Variants in CCDC170 observed in about 807,000 individuals in gnomAD.
The protein encoded by CCDC170 is coiled-coil domain-containing protein 170.
CCDC170 carries 69 observed loss-of-function variants against 72.6 expected under a neutral mutation model. The ratio of observed to expected loss-of-function variants is 0.95; its 90% CI spans 0.78 to 1.16. CCDC170 has a LOEUF of 1.16. Ranked by LOEUF, CCDC170 falls within the 50% of genes most tolerant of loss-of-function variation. The pLI is 0.00. For synonymous variants in CCDC170, 300 were observed against 303.9 expected (o/e 0.99, Z 0.13); for missense variants, 852 against 832.5 (o/e 1.02, Z -0.29).
rs528655504 is a variant in CCDC170 at position 151,494,057 on chromosome 6, C to T, written c.-72C>T. Reference sequence around the variant, plus strand: ...TGCCCGAGGAGACACCCGCGCCACCCGCCGGCTCCCGGCGCCGCCGCTTCC... The same window carrying T: ...TGCCCGAGGAGACACCCGCGCCACCTGCCGGCTCCCGGCGCCGCCGCTTCC... On this transcript the variant is annotated 5_prime_UTR_variant, in exon 1 of 11. Transcript: ENST00000239374. 1.4e-4 allele frequency: 189 copies of T among 1,390,826 alleles called. 1 individual carries two copies. The African/African-American group carries it at 2.7e-3, about 20-fold the overall frequency. The allele number at this position is 1,390,826 out of a possible 1,614,324, so 86.2% of individuals were successfully genotyped here.
At chr6:151,607,278 T>C (rs1165649306) in intron 9 of CCDC170, among the ~76,000 whole-genome samples, 2 of 152,212 alleles carry the variant, frequency 1.3e-5, no homozygotes, top group East Asian at 3.8e-4. Flanking sequence ...ACTATTTACA[T>C]TCAAGGTTGT....
intron 9 of CCDC170, among the ~76,000 whole-genome samples, chr6:151,611,370 C>T (rs1324302201): frequency 2.0e-5 from 3 of 152,134 alleles, no homozygotes; most frequent in Admixed American, 6.5e-5. Context: ...AAATTTCTTA[C>T]AGTTCTAGAG....
chr6:151,539,791 G>A (rs1349082948), intron 3 of CCDC170, among the ~76,000 whole-genome samples: 2 of 152,104 alleles, frequency 1.3e-5, no homozygotes, highest in Non-Finnish European at 2.9e-5. Context: ...TGTCCAAAAC[G>A]GAGCTCCCAG....
chr6:151,515,373 C>T (rs1782220002), intron 1 of CCDC170, among the ~76,000 whole-genome samples: 1 of 152,232 alleles, frequency 6.6e-6, no homozygotes, highest in Admixed American at 6.5e-5. Context: ...ACCTCTGCCT[C>T]CCAGGTTCAA....
chr6:151,541,713 G>T (rs1210777641), intron 3 of CCDC170, among the ~76,000 whole-genome samples: 3 of 150,570 alleles, frequency 2.0e-5, no homozygotes, highest in Non-Finnish European at 4.4e-5. Flanking sequence ...TTATAGAAAA[G>T]CTATAATTAA....
At chr6:151,532,931 G>A (rs1460872201) in intron 1 of CCDC170, among the ~76,000 whole-genome samples, 1 of 152,190 alleles carries the variant, frequency 6.6e-6, no homozygotes, top group Non-Finnish European at 1.5e-5. Context: ...TGTAGGCATC[G>A]CTGCTTTCTC....
At chr6:151,576,981 C>A (rs560486188) in intron 6 of CCDC170, among the ~76,000 whole-genome samples, 20 of 152,230 alleles carry the variant, frequency 1.3e-4, no homozygotes, top group African/African-American at 4.6e-4. Flanking sequence ...CTGTGCTATC[C>A]ATTTTTCCCC....
Position 151,619,904 on chromosome 6 carries a change from GAAACAAT to G in CCDC170, c.*1758_*1764del, listed in dbSNP as rs1777032734. 1 of 152,014 alleles carries G rather than the reference GAAACAAT, an allele frequency of 6.6e-6. No individual in the cohort carries two copies. The highest frequency in any genetic ancestry group is 1.5e-5 in the Non-Finnish European group (1 of 67,996). The allele number at this position is 152,014 out of a possible 1,614,324, so 9.4% of individuals were successfully genotyped here. A position where few individuals can be genotyped will look rare whatever the true frequency, so the allele number is the denominator to read the frequency against. ...CTAGACTAAAAGAAATTAAAGAGAT[GAAACAAT>G]CAATTGCAAGGGTCAAAACTAGATT... On this transcript the variant is annotated 3_prime_UTR_variant, in exon 11 of 11. Coordinates refer to ENST00000239374, the MANE Select transcript of CCDC170 (RefSeq NM_025059.4).
rs747770347 is a variant in CCDC170 at position 151,585,887 on chromosome 6, A to G, written c.1093-2A>G. Reference sequence around the variant, plus strand: ...ATTCTTGATCTGTTTCTTTGTTTCCAGATGGTCTCCCAGCTTGAAGCCCAA... The same window carrying G: ...ATTCTTGATCTGTTTCTTTGTTTCCGGATGGTCTCCCAGCTTGAAGCCCAA... On this transcript the variant is annotated splice_acceptor_variant, in intron 6 of 10. Transcript: ENST00000239374. LOFTEE classifies it high-confidence loss of function. 6.2e-7 allele frequency: 1 copy of G among 1,612,876 alleles called. No individual in the cohort carries two copies. The highest frequency in any genetic ancestry group is 8.5e-7 in the Non-Finnish European group (1 of 1,179,416).
chr6:151,583,462 CT>C (rs1382724364), intron 6 of CCDC170, among the ~76,000 whole-genome samples: 1 of 151,506 alleles, frequency 6.6e-6, no homozygotes, highest in African/African-American at 2.4e-5. Flanking sequence ...CGACTCTTCG[CT>C]TTTTTTTATT....
intron 5 of CCDC170, among the ~76,000 whole-genome samples, chr6:151,557,960 C>G (rs763231672): frequency 6.6e-6 from 1 of 152,164 alleles, no homozygotes; most frequent in Non-Finnish European, 1.5e-5. Context: ...ATCAGCTGGA[C>G]GTGGTGATAC....
intron 6 of CCDC170, among the ~76,000 whole-genome samples, chr6:151,575,399 C>T (rs1776286386): frequency 6.8e-6 from 1 of 146,918 alleles, no homozygotes; most frequent in Non-Finnish European, 1.5e-5. Flanking sequence ...TGCCACTGCA[C>T]TCCAGCCTGG....
intron 1 of CCDC170, among the ~76,000 whole-genome samples, chr6:151,504,464 A>AT (rs1782038923): frequency 4.6e-5 from 7 of 152,130 alleles, no homozygotes; most frequent in Admixed American, 1.3e-4. Context: ...TAATAAATAA[A>AT]ATTTTTACCA....
chr6:151,589,219 T>C (rs1222871220), intron 7 of CCDC170, among the ~76,000 whole-genome samples: 18 of 151,962 alleles, frequency 1.2e-4, no homozygotes, highest in Non-Finnish European at 2.6e-4. Context: ...TGCGCCATTG[T>C]ACTCCAGCCT....
At chr6:151,568,034 C>T (rs903228320) in intron 5 of CCDC170, among the ~76,000 whole-genome samples, 2 of 127,954 alleles carry the variant, frequency 1.6e-5, no homozygotes, top group African/African-American at 5.9e-5. Context: ...CGCTTGAACC[C>T]GGGAGGCGGA....
At chr6:151,561,014 G>T (rs1455231338) in intron 5 of CCDC170, among the ~76,000 whole-genome samples, 1 of 151,356 alleles carries the variant, frequency 6.6e-6, no homozygotes, top group Admixed American at 6.6e-5. Context: ...TTAACTAGTT[G>T]CTTTGTAGTC....
chr6:151,546,918 G>A (rs1782780570), intron 4 of CCDC170, among the ~76,000 whole-genome samples: 1 of 151,550 alleles, frequency 6.6e-6, no homozygotes, highest in African/African-American at 2.4e-5. Context: ...AACAGTAATG[G>A]AATCTATATT....
intron 5 of CCDC170, among the ~76,000 whole-genome samples, chr6:151,554,177 T>A (rs1782936926): frequency 6.6e-6 from 1 of 152,220 alleles, no homozygotes; most frequent in African/African-American, 2.4e-5. Flanking sequence ...CCCTTGGTTT[T>A]CTTGAAATAA....
intron 5 of CCDC170, among the ~76,000 whole-genome samples, chr6:151,563,188 G>T (rs1776070561): frequency 6.6e-6 from 1 of 152,070 alleles, no homozygotes; most frequent in Non-Finnish European, 1.5e-5. Flanking sequence ...GCAGCATGGG[G>T]CTCACTTTCA....
Sources: gnomAD v4.1 joint callset for allele counts (sites outside exome capture counted in the v4.1 genomes callset) on GRCh38, gnomAD v4.1.1 for gene constraint, MANE v1.5 for transcripts, NCBI Gene and HGNC (gene_info 2026-07-23, HGNC 2026-07-21) for gene names.